LRBA: variants seen among roughly 807,000 people sequenced by gnomAD.
The protein encoded by LRBA is lipopolysaccharide-responsive and beige-like anchor protein.
LRBA carries 176 observed loss-of-function variants against 330.0 expected under a neutral mutation model. That is an observed-to-expected ratio of 0.53 (90% CI 0.47 to 0.60). The LOEUF is 0.60. LRBA is among the 20% of genes least tolerant of loss of function. The probability of loss-of-function intolerance (pLI) is 0.00; values close to 1 mark genes in which losing one functional copy is unlikely to be tolerated. For synonymous variants in LRBA, 1,230 were observed against 1,193.0 expected (o/e 1.03, Z -0.64); for missense variants, 3,259 against 3,444.8 (o/e 0.95, Z 1.35).
rs1225680637 is a variant in LRBA, at chr4:150,985,257, C to CA, written c.216+29169dup. ...TGGGTGACAGAGCTAGACTCCATCT[C>CA]AAAAAAAAAAAAAAAGCTTATATTT... is the stretch of plus-strand genomic sequence containing the variant. On this transcript the variant is annotated intron_variant, in intron 2 of 56. Transcript: ENST00000651943. 8.0e-3 allele frequency among the ~76,000 whole-genome samples: 638 copies of CA among 79,894 alleles called. 3 individuals carry two copies. Among genetic ancestry groups the CA allele is most frequent in the African/African-American group, 0.025 (474 of 18,722 alleles). 52.4% of individuals were successfully genotyped at this position (79,894 alleles called of 152,430 possible). A position where few individuals can be genotyped will look rare whatever the true frequency, so the allele number is the denominator to read the frequency against.
chr4:150,346,633 C>A (rs1388706624), intron 48 of LRBA, among the ~76,000 whole-genome samples: 3 of 151,624 alleles, frequency 2.0e-5, no homozygotes, highest in African/African-American at 7.3e-5. Flanking sequence ...GTGGTGCATG[C>A]CTGTAATCCC....
At chr4:150,985,560 A>G (rs1741360260) in intron 2 of LRBA, among the ~76,000 whole-genome samples, 1 of 150,930 alleles carries the variant, frequency 6.6e-6, no homozygotes, top group Non-Finnish European at 1.5e-5. Context: ...GTGCAGTGGC[A>G]CCATCTCGGC....
intron 28 of LRBA, among the ~76,000 whole-genome samples, chr4:150,833,148 T>C (rs996899393): frequency 6.6e-6 from 1 of 151,894 alleles, no homozygotes; most frequent in Admixed American, 6.6e-5. Flanking sequence ...AAAGGATCTA[T>C]GAGAAAGAAG....
rs1360033777 is a variant in LRBA, at chr4:150,599,026, T to C, written c.6027A>G (p.Leu2009=). The C allele has an allele frequency of 9.9e-6, 16 of 1,613,972 alleles. No homozygotes were observed. Among genetic ancestry groups the C allele is most frequent in the Non-Finnish European group, 1.4e-5 (16 of 1,179,974 alleles). The part of the protein sequence containing the change: ...PLGSTHPEAT[L]KTAVEHATDE... Reference sequence around the variant, plus strand: ...ACTGACCATGTTCCACGGCTGTTTTTAGTGTCGCTTCAGGATGTGTCGATC... The same window carrying C: ...ACTGACCATGTTCCACGGCTGTTTTCAGTGTCGCTTCAGGATGTGTCGATC... The change falls in exon 38 of 57, where the codon CTA becomes CTG. Residue 2009 remains leucine, a synonymous_variant. Transcript: ENST00000651943.
chr4:150,278,083 A>T, intron 55 of LRBA, 79 bp from the exon 56 acceptor site: 1 of 1,243,160 alleles, frequency 8.0e-7, no homozygotes, highest in Non-Finnish European at 1.2e-6. Context: ...AGTCATTCTT[A>T]CACCAGCTAC....
intron 2 of LRBA, among the ~76,000 whole-genome samples, chr4:150,975,544 AAAAG>A (rs1298509573): frequency 1.1e-4 from 17 of 151,844 alleles, no homozygotes; most frequent in Non-Finnish European, 1.9e-4. Context: ...AAAAAAAAAA[AAAAG>A]AAAGAAAGAA....
chr4:151,010,908 C>T (rs1391370782), intron 2 of LRBA, among the ~76,000 whole-genome samples: 7 of 145,626 alleles, frequency 4.8e-5, no homozygotes, highest in African/African-American at 1.8e-4. Flanking sequence ...AAAAAAAAGG[C>T]CGGGCACAGT....
At chr4:150,685,387 A>AATTAT (rs1392028378) in intron 36 of LRBA, among the ~76,000 whole-genome samples, 1 of 12,336 alleles carries the variant, frequency 8.1e-5, no homozygotes, top group African/African-American at 3.4e-4. Flanking sequence ...TAAGGAATCA[A>AATTAT]ATATATATAT....
chr4:150,573,398 C>T (rs975490848), intron 40 of LRBA, among the ~76,000 whole-genome samples: 1 of 152,142 alleles, frequency 6.6e-6, no homozygotes, highest in Non-Finnish European at 1.5e-5. Context: ...CCACAGAGTG[C>T]CCATCAACAA....
chr4:150,418,953 C>G (rs1422823561), intron 46 of LRBA, among the ~76,000 whole-genome samples: 5 of 152,070 alleles, frequency 3.3e-5, no homozygotes, highest in Non-Finnish European at 5.9e-5. Context: ...TCAAAATCTA[C>G]AGTCAGCATT....
At chr4:150,811,452 T>G (rs771527872) in intron 31 of LRBA, among the ~76,000 whole-genome samples, 36 of 150,420 alleles carry the variant, frequency 2.4e-4, no homozygotes, top group Non-Finnish European at 1.5e-4. Flanking sequence ...GGGGTGTGCA[T>G]GAGGCTTTAG....
At chr4:151,005,437 C>A (rs1220444451) in intron 2 of LRBA, among the ~76,000 whole-genome samples, 3 of 60,592 alleles carry the variant, frequency 5.0e-5, no homozygotes, top group East Asian at 6.0e-4. Context: ...GACTCCAACT[C>A]AAAAAAAAAA....
chr4:150,805,320 AAAGGAAAGGAAAGGAAAGGAG>A (rs1560841305), intron 33 of LRBA, among the ~76,000 whole-genome samples: 55 of 135,066 alleles, frequency 4.1e-4, no homozygotes, highest in African/African-American at 1.5e-3. Flanking sequence ...AAAGGAAAGG[AAAGGAAAGGAAAGGAAAGGAG>A]AAGGAGAAGG....
chr4:150,951,374 C>T (rs80132906), intron 2 of LRBA, among the ~76,000 whole-genome samples: 3 of 135,664 alleles, frequency 2.2e-5, no homozygotes, highest in African/African-American at 8.3e-5. Flanking sequence ...CATCTTTTTA[C>T]AAAAAAAAAA....
At chr4:150,582,059 A>T (rs2126379687) in intron 40 of LRBA, 1 of 147,684 alleles carries the variant, frequency 6.8e-6, no homozygotes, top group Admixed American at 6.7e-5. Flanking sequence ...GTCGGAGGGG[A>T]GAGGAGGGGG....
rs184336701 is a variant in LRBA at position 150,757,235 on chromosome 4, C to A, written c.5645+4548G>T. On this transcript the variant is annotated intron_variant, in intron 35 of 56. Coordinates refer to ENST00000651943, the MANE Select transcript of LRBA (RefSeq NM_001364905.1). Reference sequence around the variant, plus strand: ...ATGTATTTAAAAATATCTTATTAAACAAATGTAAGTTAAAGAGACCATCAG... The same window carrying A: ...ATGTATTTAAAAATATCTTATTAAAAAAATGTAAGTTAAAGAGACCATCAG... Among the ~76,000 whole-genome samples, 7 of 152,168 alleles carry A rather than the reference C, an allele frequency of 4.6e-5. No individual in the cohort carries two copies. The East Asian group carries it at 1.2e-3, about 25-fold the overall frequency.
At chr4:150,380,198 A>G (rs1742002277) in intron 47 of LRBA, among the ~76,000 whole-genome samples, 1 of 151,660 alleles carries the variant, frequency 6.6e-6, no homozygotes, top group Non-Finnish European at 1.5e-5. Flanking sequence ...AAAACAAAAC[A>G]AAATAAAAAC....
chr4:150,536,265 A>G (rs1764646587), intron 40 of LRBA, among the ~76,000 whole-genome samples: 1 of 152,238 alleles, frequency 6.6e-6, no homozygotes, highest in Non-Finnish European at 1.5e-5. Flanking sequence ...GAAAGAGGAC[A>G]CATTTAAATA....
chr4:150,407,480 A>T (rs1746364472), intron 47 of LRBA, among the ~76,000 whole-genome samples: 1 of 152,206 alleles, frequency 6.6e-6, no homozygotes, highest in South Asian at 2.1e-4. Context: ...AAAAAAAACA[A>T]CTAGACAGAA....
Sources: allele counts gnomAD v4.1 joint callset (sites outside exome capture counted in the v4.1 genomes callset), GRCh38; gene constraint gnomAD v4.1.1; transcripts MANE v1.5; gene names NCBI Gene and HGNC (gene_info 2026-07-23, HGNC 2026-07-21).